TMEM135: variants seen among roughly 807,000 people sequenced by gnomAD.
TMEM135 encodes the protein transmembrane protein 135, also known as peroxisomal membrane protein 52.
Under a neutral mutation model 60.3 loss-of-function variants are expected in TMEM135, and 30 were observed. The observed-to-expected ratio is 0.50, with a 90% CI of 0.37 to 0.68. The LOEUF (loss-of-function observed/expected upper bound fraction) is 0.68, where lower values mean the gene tolerates loss of function less well. Among genes scored for constraint, TMEM135 ranks in the 30% least tolerant of loss-of-function variants. The pLI is 0.00. For synonymous variants in TMEM135, 190 were observed against 186.7 expected, an observed-to-expected ratio of 1.02 and a Z score of -0.14; for missense variants, 468 against 548.8, an observed-to-expected ratio of 0.85 and a Z score of 1.47.
intron 1 of TMEM135, among the ~76,000 whole-genome samples, chr11:87,047,720 C>T (rs1327956018): frequency 5.4e-4 from 66 of 122,410 alleles, no homozygotes; most frequent in Non-Finnish European, 9.6e-4. Context: ...AACTGCAAGG[C>T]GGCAACGAGG....
chr11:87,202,803 C>T (rs371110811), intron 5 of TMEM135, among the ~76,000 whole-genome samples: 12 of 149,988 alleles, frequency 8.0e-5, no homozygotes, highest in East Asian at 3.9e-4. Context: ...GAGGCCGAGG[C>T]GGGCGGATCA....
Position 87,321,313 on chromosome 11 carries a change from T to C in TMEM135, c.1357T>C (p.Leu453=). The stretch of plus-strand genomic sequence containing the variant: ...AAGATACACAACTGTAACACCAGAG[T>C]TGCCCACAGAGTTTTCCTGAAGATG... ...DPRYTTVTPE[L]PTEFS Residue 453 remains leucine (L), a synonymous_variant, in exon 15 of 15, where the codon TTG becomes CTG. Coordinates refer to ENST00000305494, the MANE Select transcript of TMEM135 (RefSeq NM_022918.4). The C allele has an allele frequency of 1.2e-6, 2 of 1,613,656 alleles. No homozygotes were observed. Among genetic ancestry groups the C allele is most frequent in the South Asian group, 1.1e-5 (1 of 91,082 alleles).
chr11:87,180,212 A>G (rs1175016259), intron 5 of TMEM135, among the ~76,000 whole-genome samples: 5 of 152,082 alleles, frequency 3.3e-5, no homozygotes, highest in African/African-American at 7.2e-5. Flanking sequence ...TTCCCCTGCA[A>G]TGGTAGTGGT....
intron 4 of TMEM135, among the ~76,000 whole-genome samples, chr11:87,122,559 C>T (rs1000878479): frequency 6.6e-6 from 1 of 151,728 alleles, no homozygotes. Flanking sequence ...TTTCCAGGTT[C>T]AAGTGATTCT....
intron 5 of TMEM135, among the ~76,000 whole-genome samples, chr11:87,184,793 A>G (rs892543498): frequency 1.3e-5 from 2 of 152,204 alleles, no homozygotes; most frequent in African/African-American, 4.8e-5. Context: ...TAAGTTAACA[A>G]TGATTTATAA....
intron 6 of TMEM135, among the ~76,000 whole-genome samples, chr11:87,254,120 CAGT>C (rs949062659): frequency 6.6e-6 from 1 of 152,014 alleles, no homozygotes. Context: ...TTTCTAATAT[CAGT>C]GGTGAGTTTT....
chr11:87,209,346 G>T (rs1287253689), intron 5 of TMEM135, among the ~76,000 whole-genome samples: 1 of 152,152 alleles, frequency 6.6e-6, no homozygotes, highest in African/African-American at 2.4e-5. Flanking sequence ...AAAATAAAGA[G>T]ATGGAGAAAG....
At chr11:87,044,719 C>T (rs770943641) in intron 1 of TMEM135, among the ~76,000 whole-genome samples, 7 of 151,542 alleles carry the variant, frequency 4.6e-5, no homozygotes, top group Non-Finnish European at 8.8e-5. Context: ...GGCACAATCT[C>T]GGCTAACTGC....
rs550273747 is a variant in TMEM135, at chr11:87,325,139, G to GGT, written c.*3807_*3808insTG. 2.5e-3 allele frequency: 1,093 copies of GGT among 432,964 alleles called. 20 individuals carry two copies. Among genetic ancestry groups the GGT allele is most frequent in the South Asian group, 0.017 (1,060 of 63,734 alleles). 26.8% of individuals were successfully genotyped at this position (432,964 alleles called of 1,614,324 possible). ...CAAGGACTGAGATGACCCTCAGATT[G>GGT]GGGGGCTGTCTTAGATTCTAGGGCT... On this transcript the variant is annotated 3_prime_UTR_variant, in exon 15 of 15. Coordinates refer to ENST00000305494, the MANE Select transcript of TMEM135 (RefSeq NM_022918.4).
At chr11:87,212,727 G>T (rs2135344860) in intron 5 of TMEM135, among the ~76,000 whole-genome samples, 1 of 151,666 alleles carries the variant, frequency 6.6e-6, no homozygotes, top group Middle Eastern at 3.4e-3. Flanking sequence ...AGAGGCTGAA[G>T]TGAGAGAATC....
chr11:87,271,320 A>G (rs74435820), intron 6 of TMEM135, among the ~76,000 whole-genome samples: 2,429 of 152,310 alleles, frequency 0.016, 68 homozygotes, highest in African/African-American at 0.054. Context: ...TTCAATATGA[A>G]TGAAGAGAAA....
chr11:87,202,991 C>CCACTG (rs1270027039), intron 5 of TMEM135, among the ~76,000 whole-genome samples: 1 of 142,896 alleles, frequency 7.0e-6, no homozygotes, highest in Non-Finnish European at 1.5e-5. Context: ...CGAGATCATG[C>CCACTG]CACTGCACTC....
intron 6 of TMEM135, chr11:87,259,044 G>C (rs950125934): frequency 6.9e-7 from 1 of 1,445,292 alleles, no homozygotes; most frequent in Admixed American, 1.7e-5. Context: ...TGGGAAACCT[G>C]TACATTTTGT....
chr11:87,197,063 A>G (rs1256095561), intron 5 of TMEM135, among the ~76,000 whole-genome samples: 2 of 152,122 alleles, frequency 1.3e-5, no homozygotes, highest in Non-Finnish European at 2.9e-5. Flanking sequence ...ATTCAGATGT[A>G]GGCTATTTTT....
chr11:87,285,482 G>A (rs1942146982), intron 6 of TMEM135, among the ~76,000 whole-genome samples: 1 of 152,138 alleles, frequency 6.6e-6, no homozygotes, highest in Non-Finnish European at 1.5e-5. Context: ...GGCTTCAGGA[G>A]TGTAGCTGCA....
intron 1 of TMEM135, among the ~76,000 whole-genome samples, chr11:87,045,110 A>C (rs1949784008): frequency 6.6e-6 from 1 of 151,832 alleles, no homozygotes; most frequent in South Asian, 2.1e-4. Flanking sequence ...GCTTACTGCA[A>C]GCTGCGCCTC....
At chr11:87,156,354 G>A (rs998244371) in intron 4 of TMEM135, among the ~76,000 whole-genome samples, 2 of 151,950 alleles carry the variant, frequency 1.3e-5, no homozygotes, top group Admixed American at 1.3e-4. Flanking sequence ...GTCCCTTAAC[G>A]TTCTATATGA....
chr11:87,311,606 A>G (rs895671220), intron 10 of TMEM135, among the ~76,000 whole-genome samples: 2 of 151,918 alleles, frequency 1.3e-5, no homozygotes, highest in Non-Finnish European at 2.9e-5. Context: ...CATTTCTGTT[A>G]CTATTTATTT....
At chr11:87,279,719 C>T (rs1160971469) in intron 6 of TMEM135, among the ~76,000 whole-genome samples, 2 of 152,168 alleles carry the variant, frequency 1.3e-5, no homozygotes, top group Non-Finnish European at 2.9e-5. Flanking sequence ...ATTGCTTACT[C>T]CACCTCATGT....
Sources: allele counts gnomAD v4.1 joint callset (sites outside exome capture counted in the v4.1 genomes callset), GRCh38; gene constraint gnomAD v4.1.1; transcripts MANE v1.5; gene names NCBI Gene and HGNC (gene_info 2026-07-23, HGNC 2026-07-21).